The following GOLGA4 variants were observed in gnomAD, a reference collection of about 807,000 sequenced individuals.
GOLGA4 encodes the protein golgin A4.
GOLGA4 carries 169 observed loss-of-function variants against 265.9 expected under a neutral mutation model. That is an observed-to-expected ratio of 0.64 (90% CI 0.56 to 0.72). The LOEUF (loss-of-function observed/expected upper bound fraction) is 0.72, where lower values mean the gene tolerates loss of function less well. GOLGA4 is among the 30% of genes least tolerant of loss of function. The pLI is 0.00. For missense variants in GOLGA4, 2,482 were observed against 2,483.4 expected (o/e 1.00, Z 0.01); for synonymous variants, 923 against 855.8 (o/e 1.08, Z -1.37).
At chr3:37,295,211 A>G (rs1000684874) in intron 6 of GOLGA4, 134 bp downstream of exon 6, 9 of 514,806 alleles carry the variant, frequency 1.7e-5, no homozygotes, top group Middle Eastern at 5.2e-4. Flanking sequence ...GCTTTCCTCA[A>G]TTTTTTTTAT....
intron 2 of GOLGA4, among the ~76,000 whole-genome samples, chr3:37,278,579 G>A (rs887769462): frequency 1.3e-5 from 2 of 152,096 alleles, no homozygotes; most frequent in African/African-American, 4.8e-5. Flanking sequence ...ACTTGAATGA[G>A]TCAACTTTAT....
chr3:37,359,826 C>G (rs1265265035), intron 22 of GOLGA4, among the ~76,000 whole-genome samples: 1 of 152,144 alleles, frequency 6.6e-6, no homozygotes, highest in African/African-American at 2.4e-5. Flanking sequence ...TGCATGGGCT[C>G]AGAAGATGCA....
chr3:37,362,486 C>T (rs1452460984), intron 23 of GOLGA4, among the ~76,000 whole-genome samples: 6 of 151,406 alleles, frequency 4.0e-5, no homozygotes, highest in African/African-American at 4.8e-5. Flanking sequence ...GTGATCCGCC[C>T]GCCTCGGCCT....
chr3:37,289,366 G>A, intron 5 of GOLGA4, 75 bp downstream of exon 5: 1 of 938,704 alleles, frequency 1.1e-6, no homozygotes, highest in Admixed American at 2.2e-5. Flanking sequence ...ATGTGCTAGG[G>A]TAGTTTCATA....
chr3:37,325,388 A>G lies in GOLGA4; in HGVS notation c.3502A>G (p.Lys1168Glu). ...VELKMLAEED[K>E]RKVSELTSKL... is the part of the protein sequence containing the mutation. ...ACTGAAGATGCTGGCAGAAGAAGATAAGCGGAAGGTTTCTGAGTTGACTAG... is the reference window on the plus strand; with the variant it reads ...ACTGAAGATGCTGGCAGAAGAAGATGAGCGGAAGGTTTCTGAGTTGACTAG... The change falls in exon 14 of 24, where the codon AAG becomes GAG. Residue 1168 changes from lysine to glutamate, a missense_variant. Physicochemically the swap from Lys to Glu is moderately conservative, Grantham distance 56. This residue lies in a region of GOLGA4 where 1,536 missense variants were observed against 1,483.7 expected (regional missense o/e 1.04). Transcript: ENST00000361924. 2 of 1,612,698 alleles carry G rather than the reference A, an allele frequency of 1.2e-6. No homozygotes were observed. Among genetic ancestry groups the G allele is most frequent in the East Asian group, 2.2e-5 (1 of 44,856 alleles).
chr3:37,263,748 A>G (rs1407742028), intron 2 of GOLGA4, among the ~76,000 whole-genome samples: 2 of 152,242 alleles, frequency 1.3e-5, no homozygotes, highest in South Asian at 2.1e-4. Context: ...CCTTCGACGC[A>G]TATCTGCTGA....
intron 23 of GOLGA4, among the ~76,000 whole-genome samples, chr3:37,362,268 G>A (rs1243602626): frequency 1.3e-4 from 18 of 139,846 alleles, no homozygotes; most frequent in African/African-American, 4.3e-4. Flanking sequence ...ACGGAGTCTC[G>A]CTCTGTCGCC....
At chr3:37,350,211 T>C (rs1172963157) in intron 21 of GOLGA4, among the ~76,000 whole-genome samples, 2 of 152,154 alleles carry the variant, frequency 1.3e-5, no homozygotes, top group Admixed American at 6.6e-5. Flanking sequence ...TTTTCCAAGG[T>C]GTGGCAAAGA....
At chr3:37,264,575 A>G (rs2150684343) in intron 2 of GOLGA4, among the ~76,000 whole-genome samples, 1 of 152,354 alleles carries the variant, frequency 6.6e-6, no homozygotes, top group African/African-American at 2.4e-5. Flanking sequence ...TCTAGTTAGT[A>G]TTCATAACTC....
At chr3:37,329,983 T>C (rs1425234337) in intron 16 of GOLGA4, among the ~76,000 whole-genome samples, 2 of 148,588 alleles carry the variant, frequency 1.3e-5, no homozygotes, top group Non-Finnish European at 2.9e-5. Context: ...TTAAATGTAA[T>C]TGAAATGGCT....
At chr3:37,349,757 G>A (rs1396417436) in intron 21 of GOLGA4, among the ~76,000 whole-genome samples, 8 of 152,086 alleles carry the variant, frequency 5.3e-5, no homozygotes, top group South Asian at 2.1e-4. Flanking sequence ...AGAATAAGTC[G>A]GAGTATGTTG....
At chr3:37,263,074 GC>G (rs1439252539) in intron 2 of GOLGA4, among the ~76,000 whole-genome samples, 1 of 152,172 alleles carries the variant, frequency 6.6e-6, no homozygotes, top group Non-Finnish European at 1.5e-5. Context: ...ATAAATGAGT[GC>G]CCTATAGAGT....
At chr3:37,247,559 TG>T (rs1224654801) in intron 1 of GOLGA4, among the ~76,000 whole-genome samples, 1 of 152,236 alleles carries the variant, frequency 6.6e-6, no homozygotes, top group Non-Finnish European at 1.5e-5. Context: ...TAAGGATGAC[TG>T]GATTAGTTTT....
chr3:37,294,531 C>A (rs2096873190), intron 5 of GOLGA4, among the ~76,000 whole-genome samples: 1 of 151,960 alleles, frequency 6.6e-6, no homozygotes, highest in African/African-American at 2.4e-5. Context: ...ACCACAGATG[C>A]CTGCCACCAC....
chr3:37,352,008 G>A (rs1323653950), intron 21 of GOLGA4, among the ~76,000 whole-genome samples: 3 of 152,036 alleles, frequency 2.0e-5, no homozygotes, highest in Non-Finnish European at 4.4e-5. Flanking sequence ...TAAGTCCTAG[G>A]TGGCATTTTC....
chr3:37,299,822 G>A (rs1309066146), intron 9 of GOLGA4, among the ~76,000 whole-genome samples: 2 of 152,008 alleles, frequency 1.3e-5, no homozygotes, highest in African/African-American at 4.8e-5. Flanking sequence ...GGCTGAGGCG[G>A]GAGGATTGCT....
chr3:37,344,887 C>T (rs557358642), intron 20 of GOLGA4, among the ~76,000 whole-genome samples: 13 of 152,234 alleles, frequency 8.5e-5, no homozygotes, highest in African/African-American at 2.9e-4. Context: ...TCACAATATA[C>T]CTCAACATTT....
intron 10 of GOLGA4, among the ~76,000 whole-genome samples, chr3:37,310,149 A>G (rs1221212618): frequency 6.6e-6 from 1 of 152,162 alleles, no homozygotes; most frequent in Non-Finnish European, 1.5e-5. Context: ...CAGCCTTTTC[A>G]CACTTCTGCA....
At chr3:37,249,968 GTCTGTTTTTTCACA>G (rs2096729463) in intron 1 of GOLGA4, 1 of 152,202 alleles carries the variant, frequency 6.6e-6, no homozygotes, top group South Asian at 2.1e-4. Context: ...TTATTTGTAT[GTCTGTTTTTTCACA>G]TCACTCACTT....
Sources: allele counts gnomAD v4.1 joint callset (sites outside exome capture counted in the v4.1 genomes callset), GRCh38; gene constraint gnomAD v4.1.1; regional missense constraint gnomAD v4.1.1; transcripts MANE v1.5; gene names NCBI Gene and HGNC (gene_info 2026-07-23, HGNC 2026-07-21).